The following ARMH3 variants were observed in gnomAD, a reference collection of about 807,000 sequenced individuals.
The protein encoded by ARMH3 is armadillo-like helical domain-containing protein 3.
ARMH3 carries 60 observed loss-of-function variants against 99.1 expected under a neutral mutation model. The ratio of observed to expected loss-of-function variants is 0.61; its 90% CI spans 0.49 to 0.75. The LOEUF is 0.75. Among genes scored for constraint, ARMH3 ranks in the 30% least tolerant of loss-of-function variants. ARMH3 has a pLI of 0.00. For synonymous variants in ARMH3, 285 were observed against 292.8 expected (o/e 0.97, Z 0.27); for missense variants, 679 against 843.1 (o/e 0.81, Z 2.41).
At chr10:102,005,128 T>C (rs189152314) in intron 14 of ARMH3, among the ~76,000 whole-genome samples, 2 of 151,992 alleles carry the variant, frequency 1.3e-5, no homozygotes, top group African/African-American at 4.8e-5. Context: ...ACCTGGGAGG[T>C]GGAGGTTGCG....
intron 20 of ARMH3, among the ~76,000 whole-genome samples, chr10:101,966,622 C>T (rs906677548): frequency 4.6e-5 from 7 of 152,022 alleles, no homozygotes; most frequent in African/African-American, 1.7e-4. Context: ...TACACAGTGC[C>T]CCCAACACAC....
chr10:101,967,986 A>C (rs1465992111), intron 20 of ARMH3, among the ~76,000 whole-genome samples: 3 of 152,168 alleles, frequency 2.0e-5, no homozygotes, highest in African/African-American at 7.2e-5. Flanking sequence ...TCCTTTCTTT[A>C]AACGGAAATC....
At chr10:102,018,829 T>C (rs2066809525) in intron 8 of ARMH3, among the ~76,000 whole-genome samples, 1 of 152,042 alleles carries the variant, frequency 6.6e-6, no homozygotes, top group Non-Finnish European at 1.5e-5. Context: ...TGGTGGCGCA[T>C]GCCTGTAGTC....
chr10:101,984,282 G>A (rs191732253), intron 19 of ARMH3, among the ~76,000 whole-genome samples: 83 of 152,280 alleles, frequency 5.5e-4, no homozygotes, highest in Non-Finnish European at 1.1e-3. Flanking sequence ...TTTAGAAATT[G>A]TGATGTGATC....
At chr10:101,898,226 G>C (rs2067888596) in intron 23 of ARMH3, among the ~76,000 whole-genome samples, 1 of 151,270 alleles carries the variant, frequency 6.6e-6, no homozygotes, top group Admixed American at 6.6e-5. Flanking sequence ...GGTGACATGT[G>C]CCTGTTGTAG....
chr10:101,875,652 T>A (rs548862092), intron 24 of ARMH3, among the ~76,000 whole-genome samples: 1 of 152,306 alleles, frequency 6.6e-6, no homozygotes, highest in East Asian at 1.9e-4. Flanking sequence ...CCCTCAGATT[T>A]ATTGATCTGA....
rs1590201383 is a variant in ARMH3, at chr10:102,025,320, T to C, written c.415-72A>G. ...CACCTTTGTCTAACTCTGGGTTATGTTATACAGGGTAATGTGAATAACACA... is the reference window on the plus strand; with the variant it reads ...CACCTTTGTCTAACTCTGGGTTATGCTATACAGGGTAATGTGAATAACACA... On this transcript the variant is annotated intron_variant, in intron 5 of 25. Transcript: ENST00000370033. 8.3e-6 allele frequency: 10 copies of C among 1,202,228 alleles called. No individual in the cohort carries two copies. In the East Asian group the frequency reaches 2.1e-4, roughly 25 times the overall value. The allele number at this position is 1,202,228 out of a possible 1,614,324, so 74.5% of individuals were successfully genotyped here.
chr10:101,963,719 C>A (rs1029771161), intron 20 of ARMH3, among the ~76,000 whole-genome samples: 4 of 152,170 alleles, frequency 2.6e-5, no homozygotes, highest in African/African-American at 7.2e-5. Context: ...CCTGCCTCAG[C>A]CTCCCGAGTA....
intron 20 of ARMH3, among the ~76,000 whole-genome samples, chr10:101,968,824 TC>T (rs1845649915): frequency 6.6e-6 from 1 of 152,184 alleles, no homozygotes; most frequent in Non-Finnish European, 1.5e-5. Flanking sequence ...TCCTTTTTAG[TC>T]CTTGGGCTTT....
intron 19 of ARMH3, among the ~76,000 whole-genome samples, chr10:101,985,174 A>G (rs1452126884): frequency 6.7e-6 from 1 of 149,116 alleles, no homozygotes; most frequent in Non-Finnish European, 1.5e-5. Flanking sequence ...ACGTGTACAC[A>G]TATATGAATA....
intron 23 of ARMH3, among the ~76,000 whole-genome samples, chr10:101,925,746 T>C (rs1312822404): frequency 6.6e-6 from 1 of 151,970 alleles, no homozygotes; most frequent in Non-Finnish European, 1.5e-5. Flanking sequence ...CCATCTCTAC[T>C]AAAAATGCAA....
intron 23 of ARMH3, among the ~76,000 whole-genome samples, chr10:101,907,147 A>T (rs1467133727): frequency 6.6e-6 from 1 of 152,190 alleles, no homozygotes; most frequent in Non-Finnish European, 1.5e-5. Flanking sequence ...CCTGTTTGAC[A>T]AAGGTAACAA....
intron 19 of ARMH3, among the ~76,000 whole-genome samples, chr10:101,980,760 G>GT (rs1846194178): frequency 1.3e-5 from 2 of 152,252 alleles, no homozygotes; most frequent in Admixed American, 1.3e-4. Flanking sequence ...ACATGCACAT[G>GT]TATGTTCACT....
intron 2 of ARMH3, 100 bp from the exon 3 acceptor site, chr10:102,033,439 A>C: frequency 8.6e-7 from 1 of 1,168,984 alleles, no homozygotes; most frequent in Non-Finnish European, 1.2e-6. Flanking sequence ...TTTTTTTTTG[A>C]GATGGAATCT....
In ARMH3 at chr10:102,033,045, C is replaced by G. The variant is rs755101585; in HGVS notation, c.287G>C (p.Arg96Pro). The G allele has an allele frequency of 2.5e-6, 4 of 1,613,958 alleles. No individual in the cohort carries two copies. In the Admixed American group the frequency reaches 6.7e-5, roughly 27 times the overall value. ...IQALGEEHPI[R>P]VVNALQTLCA... is the part of the protein sequence containing the mutation. ...TTGTACCTGCAATGCATTGACAACCCGAATTGGATGCTCCTCTCCCAGAGC... is the reference window on the plus strand; with the variant it reads ...TTGTACCTGCAATGCATTGACAACCGGAATTGGATGCTCCTCTCCCAGAGC... The change falls in exon 4 of 26, where the codon CGG (arginine) becomes CCG (proline). Residue 96 changes from arginine (R) to proline (P), a missense_variant. Physicochemically the swap from Arg to Pro is moderately radical, Grantham distance 103. Around this residue, in one of 3 missense-constraint regions of ARMH3, gnomAD observed 280 missense variants for 354.6 expected, o/e 0.79. Coordinates refer to ENST00000370033, the MANE Select transcript of ARMH3 (RefSeq NM_024541.3).
At chr10:101,932,012 A>C (rs925955403) in intron 23 of ARMH3, among the ~76,000 whole-genome samples, 6 of 152,364 alleles carry the variant, frequency 3.9e-5, no homozygotes, top group African/African-American at 1.4e-4. Context: ...CATATGCCTG[A>C]TAATGAATTA....
At chr10:101,883,413 C>G (rs2067464008) in intron 24 of ARMH3, among the ~76,000 whole-genome samples, 1 of 143,776 alleles carries the variant, frequency 7.0e-6, no homozygotes, top group African/African-American at 2.5e-5. Flanking sequence ...AAGACCTTGT[C>G]TCTAAAAAAA....
chr10:102,037,286 A>T (rs571354434), intron 2 of ARMH3, among the ~76,000 whole-genome samples: 1 of 149,180 alleles, frequency 6.7e-6, no homozygotes, highest in Admixed American at 6.7e-5. Flanking sequence ...GGTTCAAGCG[A>T]TTCTCCTGCC....
At position 101,861,619 on chromosome 10, in the gene ARMH3, A is replaced by G. The variant is rs2066870492; in HGVS notation, c.1861-11727T>C. Among the ~76,000 whole-genome samples, 3 of 151,770 alleles carry G rather than the reference A, an allele frequency of 2.0e-5. 1 individual carries two copies. The South Asian group carries it at 6.2e-4, about 32-fold the overall frequency. ...GTGGCACATGCCTGTAATCCTAGCT[A>G]CTTGGGAGGCTGAAGCAGAAGAATT... On this transcript the variant is annotated intron_variant, in intron 24 of 25. Transcript: ENST00000370033.
Sources: gnomAD v4.1 joint callset for allele counts (sites outside exome capture counted in the v4.1 genomes callset) on GRCh38, gnomAD v4.1.1 for gene constraint, gnomAD v4.1.1 regional missense constraint, MANE v1.5 for transcripts, NCBI Gene and HGNC (gene_info 2026-07-23, HGNC 2026-07-21) for gene names.